The following CNTNAP5 variants were observed in gnomAD, a reference collection of about 807,000 sequenced individuals.
The protein encoded by CNTNAP5 is contactin associated protein family member 5, also known as contactin-associated protein-like 5.
CNTNAP5 carries 72 observed loss-of-function variants against 150.2 expected under a neutral mutation model. The ratio of observed to expected loss-of-function variants is 0.48; its 90% CI spans 0.40 to 0.58. The LOEUF (loss-of-function observed/expected upper bound fraction) is 0.58, where lower values mean the gene tolerates loss of function less well. CNTNAP5 is among the 20% of genes least tolerant of loss of function. CNTNAP5 has a pLI of 0.00. For synonymous variants in CNTNAP5, 672 were observed against 619.8 expected (o/e 1.08, Z -1.25); for missense variants, 1,636 against 1,626.2 (o/e 1.01, Z -0.10).
intron 21 of CNTNAP5, among the ~76,000 whole-genome samples, chr2:124,881,207 C>T (rs1268481437): frequency 6.6e-6 from 1 of 152,064 alleles, no homozygotes; most frequent in African/African-American, 2.4e-5. Flanking sequence ...TTGTTAGTAA[C>T]AAGCAAGATA....
intron 1 of CNTNAP5, among the ~76,000 whole-genome samples, chr2:124,027,241 G>C (rs927492186): frequency 8.5e-5 from 13 of 152,146 alleles, no homozygotes; most frequent in African/African-American, 3.1e-4. Flanking sequence ...TGGTGCTTTA[G>C]AAAAAGATCT....
chr2:124,467,945 A>T (rs1186627607), intron 6 of CNTNAP5, among the ~76,000 whole-genome samples: 1 of 152,136 alleles, frequency 6.6e-6, no homozygotes, highest in African/African-American at 2.4e-5. Context: ...TATTGGGTAT[A>T]TATTGGGTTA....
intron 3 of CNTNAP5, among the ~76,000 whole-genome samples, chr2:124,272,136 C>G (rs1687774633): frequency 6.6e-6 from 1 of 152,054 alleles, no homozygotes; most frequent in Non-Finnish European, 1.5e-5. Flanking sequence ...GTGACATAAA[C>G]TTATTTTTCT....
chr2:124,879,489 T>C (rs1438603357), intron 21 of CNTNAP5, among the ~76,000 whole-genome samples: 1 of 152,024 alleles, frequency 6.6e-6, no homozygotes, highest in Non-Finnish European at 1.5e-5. Context: ...CACGAATGTG[T>C]GTGGTAGTGA....
rs1310955958 is a variant in CNTNAP5 at position 124,914,580 on chromosome 2, C to G, written c.*292C>G. On this transcript the variant is annotated 3_prime_UTR_variant, in exon 24 of 24. Coordinates refer to ENST00000682447, the MANE Select transcript of CNTNAP5 (RefSeq NM_001367498.1). ...ACACATGTGTGCACTCCTGCATGTT[C>G]AGTTCTGTACTTCCAGTTTCTAAAA... The G allele has an allele frequency of 7.3e-6, 2 of 273,850 alleles. No homozygotes were observed. The highest frequency in any genetic ancestry group is 1.4e-5 in the Non-Finnish European group (2 of 143,702). The allele number at this position is 273,850 out of a possible 1,614,324, so 17.0% of individuals were successfully genotyped here.
At chr2:124,260,118 T>C (rs1467069829) in intron 3 of CNTNAP5, among the ~76,000 whole-genome samples, 1 of 152,162 alleles carries the variant, frequency 6.6e-6, no homozygotes, top group Non-Finnish European at 1.5e-5. Context: ...CTTCAAACTA[T>C]ATTACAAGGC....
intron 21 of CNTNAP5, among the ~76,000 whole-genome samples, chr2:124,875,990 A>G (rs1002531002): frequency 9.2e-5 from 14 of 152,090 alleles, no homozygotes; most frequent in African/African-American, 3.1e-4. Context: ...CTCAAATATT[A>G]TGATTCGGGT....
At chr2:124,809,900 G>A (rs982728405) in intron 19 of CNTNAP5, among the ~76,000 whole-genome samples, 1 of 152,100 alleles carries the variant, frequency 6.6e-6, no homozygotes, top group Non-Finnish European at 1.5e-5. Context: ...ATAGAAAACG[G>A]CACACACAAA....
At chr2:124,106,789 C>G (rs1683180954) in intron 1 of CNTNAP5, among the ~76,000 whole-genome samples, 1 of 152,170 alleles carries the variant, frequency 6.6e-6, no homozygotes, top group Non-Finnish European at 1.5e-5. Flanking sequence ...TTGCTAGTGA[C>G]AACCTGAGGC....
intron 22 of CNTNAP5, among the ~76,000 whole-genome samples, chr2:124,903,918 G>T (rs373868179): frequency 6.6e-6 from 1 of 152,118 alleles, no homozygotes; most frequent in South Asian, 2.1e-4. Context: ...GCTGGCCGTG[G>T]TGGTGGGCAC....
intron 14 of CNTNAP5, among the ~76,000 whole-genome samples, chr2:124,752,830 G>A (rs1372415211): frequency 6.6e-6 from 1 of 152,128 alleles, no homozygotes; most frequent in African/African-American, 2.4e-5. Flanking sequence ...CCTGGAGACA[G>A]CACAGGAGAG....
At chr2:124,046,445 A>AAAAC (rs1681540426) in intron 1 of CNTNAP5, among the ~76,000 whole-genome samples, 2 of 151,622 alleles carry the variant, frequency 1.3e-5, no homozygotes. Context: ...AAAAAAAAAA[A>AAAAC]AAAACAGAGA....
intron 12 of CNTNAP5, among the ~76,000 whole-genome samples, chr2:124,611,461 C>T (rs1290696807): frequency 6.6e-6 from 1 of 152,212 alleles, no homozygotes. Flanking sequence ...TGTATGATAG[C>T]TGCTTTTCAA....
rs142806850 is a variant in CNTNAP5 at position 124,774,442 on chromosome 2, C to T, written c.2752+1425C>T. 1.2e-3 allele frequency among the ~76,000 whole-genome samples: 182 copies of T among 152,218 alleles called. 1 individual carries two copies. Among genetic ancestry groups the T allele is most frequent in the African/African-American group, 3.7e-3 (153 of 41,538 alleles). Reference sequence around the variant, plus strand: ...ACAGGAACCATATTTCTTTCTTTGTCTGTTATGTTCCCCAGATCCAGCAGA... The same window carrying T: ...ACAGGAACCATATTTCTTTCTTTGTTTGTTATGTTCCCCAGATCCAGCAGA... On this transcript the variant is annotated intron_variant, in intron 17 of 23. Transcript: ENST00000682447.
chr2:124,485,693 A>G (rs2104844446), intron 7 of CNTNAP5, among the ~76,000 whole-genome samples: 1 of 151,596 alleles, frequency 6.6e-6, no homozygotes, highest in African/African-American at 2.4e-5. Flanking sequence ...AGCTTGCCGG[A>G]AAACTTAGGT....
intron 14 of CNTNAP5, among the ~76,000 whole-genome samples, chr2:124,753,585 G>T (rs532445634): frequency 6.6e-6 from 1 of 152,052 alleles, no homozygotes; most frequent in Admixed American, 6.6e-5. Flanking sequence ...TTCTATGCCC[G>T]GATTATTTCA....
intron 12 of CNTNAP5, among the ~76,000 whole-genome samples, chr2:124,628,744 C>T (rs13430653): frequency 0.081 from 12,322 of 152,160 alleles, 660 homozygotes; most frequent in African/African-American, 0.15. Flanking sequence ...GGGCTAAATG[C>T]CCCAAATAAA....
At chr2:124,748,586 A>T (rs920410048) in intron 14 of CNTNAP5, among the ~76,000 whole-genome samples, 8 of 152,156 alleles carry the variant, frequency 5.3e-5, no homozygotes, top group Non-Finnish European at 1.0e-4. Flanking sequence ...TCTTATGTTA[A>T]GCTAGTCTCA....
intron 13 of CNTNAP5, among the ~76,000 whole-genome samples, chr2:124,734,545 C>A (rs1280231960): frequency 6.6e-6 from 1 of 151,756 alleles, no homozygotes; most frequent in East Asian, 1.9e-4. Flanking sequence ...ACTCTTGTAG[C>A]AAATTTGTGA....
Sources: gnomAD v4.1 joint callset for allele counts (sites outside exome capture counted in the v4.1 genomes callset) on GRCh38, gnomAD v4.1.1 for gene constraint, MANE v1.5 for transcripts, NCBI Gene and HGNC (gene_info 2026-07-23, HGNC 2026-07-21) for gene names.